Variants in H2BC18 observed in about 807,000 individuals in gnomAD.
H2BC18 encodes H2B clustered histone 18.
In H2BC18, 8 loss-of-function variants were observed where a neutral mutation model predicts 6.3. That is an observed-to-expected ratio of 1.28 (90% CI 0.75 to 2.31). The LOEUF (loss-of-function observed/expected upper bound fraction) is 2.31, where lower values mean the gene tolerates loss of function less well. H2BC18 is among the 30% of genes most tolerant of loss of function. The pLI is 0.00. For synonymous variants in H2BC18, 104 were observed against 78.1 expected, an observed-to-expected ratio of 1.33 and a Z score of -1.75; for missense variants, 106 against 174.5, an observed-to-expected ratio of 0.61 and a Z score of 2.21.
At chr1:149,811,447 A>C (rs2091971847), downstream of H2BC18, 3 of 161,780 alleles carry the variant, frequency 1.9e-5, no homozygotes, top group African/African-American at 7.3e-5. Context: ...TATTAGACAA[A>C]GTTTGTGACA....
chr1:149,799,786 G>T (rs187355218), intron 1 of H2BC18, among the ~76,000 whole-genome samples: 57 of 152,104 alleles, frequency 3.7e-4, no homozygotes, highest in South Asian at 2.1e-4. Context: ...GGAATTTCTG[G>T]CTTATCTTGA....
chr1:149,812,173 G>T lies in H2BC18; in HGVS notation c.151C>A (p.Pro51Thr), dbSNP rs1553754590. ...YVYKVLKQVH[P>T]DTGISSKAMG... Reference sequence around the variant, plus strand: ...GCCTTGGACGAGATGCCGGTGTCGGGGTGGACCTGCTTCAGCACCTTGTAC... The same window carrying T: ...GCCTTGGACGAGATGCCGGTGTCGGTGTGGACCTGCTTCAGCACCTTGTAC... Residue 51 changes from proline (P) to threonine (T), a missense_variant, in exon 1 of 1, where the codon CCC (proline) becomes ACC (threonine). Physicochemically the swap from Pro to Thr is conservative, Grantham distance 38. Coordinates refer to ENST00000369167, the MANE Select transcript of H2BC18 (RefSeq NM_001024599.5). The T allele has an allele frequency of 6.2e-7, 1 of 1,614,274 alleles. No homozygotes were observed. Among genetic ancestry groups the T allele is most frequent in the East Asian group, 2.2e-5 (1 of 44,892 alleles).
intron 1 of H2BC18, chr1:149,792,754 G>T (rs1553752195): frequency 7.8e-7 from 1 of 1,283,732 alleles, no homozygotes; most frequent in Middle Eastern, 2.2e-4. Context: ...AACCCAGTGA[G>T]AAATTATTTG....
chr1:149,790,661 C>T (rs6587581), intron 1 of H2BC18, among the ~76,000 whole-genome samples: 1 of 149,996 alleles, frequency 6.7e-6, no homozygotes, highest in African/African-American at 2.4e-5. Context: ...CCATGACCCC[C>T]CCTTCTCTCT....
chr1:149,798,876 G>A (rs1207930181), intron 1 of H2BC18, among the ~76,000 whole-genome samples: 1 of 151,802 alleles, frequency 6.6e-6, no homozygotes, highest in African/African-American at 2.4e-5. Context: ...GCTTCCCAAA[G>A]TGCCAGGATT....
intron 1 of H2BC18, among the ~76,000 whole-genome samples, chr1:149,789,057 T>G (rs1212499885): frequency 1.3e-5 from 2 of 151,772 alleles, no homozygotes; most frequent in Non-Finnish European, 2.9e-5. Context: ...GCCTCTGTGG[T>G]GCCACTTCTT....
intron 1 of H2BC18, among the ~76,000 whole-genome samples, chr1:149,800,842 T>A (rs1479139659): frequency 1.3e-5 from 2 of 151,832 alleles, no homozygotes; most frequent in African/African-American, 2.4e-5. Context: ...ACCCAGAACT[T>A]TGGGAGGCCA....
At chr1:149,802,314 C>T (rs1444443270) in intron 1 of H2BC18, among the ~76,000 whole-genome samples, 1 of 152,054 alleles carries the variant, frequency 6.6e-6, no homozygotes, top group Non-Finnish European at 1.5e-5. Flanking sequence ...CAAGTATGTT[C>T]CTTTGCTGGA....
intron 1 of H2BC18, chr1:149,792,721 C>G (rs587615395): frequency 7.8e-7 from 1 of 1,283,858 alleles, no homozygotes; most frequent in East Asian, 5.6e-5. Flanking sequence ...GCGCGCTTCT[C>G]CGCAGCTCCG....
chr1:149,811,864 T>C, downstream of H2BC18: 1 of 1,311,194 alleles, frequency 7.6e-7, no homozygotes, highest in Non-Finnish European at 1.1e-6. Flanking sequence ...TGTTTACAGC[T>C]GCTTTCTCGA....
downstream of H2BC18, among the ~76,000 whole-genome samples, chr1:149,808,719 G>A (rs1423961209): frequency 2.6e-5 from 4 of 152,038 alleles, no homozygotes; most frequent in Admixed American, 1.3e-4. Flanking sequence ...TTTTTATCAA[G>A]TTTTCTATTT....
chr1:149,805,709 A>G (rs1320784176), intron 1 of H2BC18, among the ~76,000 whole-genome samples: 1 of 152,122 alleles, frequency 6.6e-6, no homozygotes, highest in African/African-American at 2.4e-5. Context: ...TTGAGTGCCT[A>G]ATGTATTCCA....
intron 1 of H2BC18, among the ~76,000 whole-genome samples, chr1:149,799,528 A>T (rs2091839496): frequency 1.3e-5 from 2 of 152,058 alleles, no homozygotes; most frequent in Admixed American, 6.6e-5. Context: ...TGCATACTAC[A>T]CAATAGTAGG....
intron 1 of H2BC18, among the ~76,000 whole-genome samples, chr1:149,793,518 T>G (rs1170117198): frequency 6.6e-6 from 1 of 152,128 alleles, no homozygotes; most frequent in African/African-American, 2.4e-5. Context: ...AGGGATCTGA[T>G]GCAGCTGGCG....
At chr1:149,799,574 A>G (rs2091840143) in intron 1 of H2BC18, among the ~76,000 whole-genome samples, 1 of 152,124 alleles carries the variant, frequency 6.6e-6, no homozygotes, top group African/African-American at 2.4e-5. Flanking sequence ...TACTATTCAA[A>G]TGACAGCCCC....
intron 1 of H2BC18, among the ~76,000 whole-genome samples, chr1:149,797,075 G>C (rs1571408478): frequency 6.6e-6 from 1 of 152,110 alleles, no homozygotes; most frequent in Non-Finnish European, 1.5e-5. Context: ...ACCACACCCG[G>C]CTAATTTTTG....
chr1:149,807,364 C>A (rs1203855007), downstream of H2BC18, among the ~76,000 whole-genome samples: 4 of 151,884 alleles, frequency 2.6e-5, no homozygotes, highest in African/African-American at 9.7e-5. Flanking sequence ...ATGTGGCATG[C>A]ACCTGTAGTC....
intron 1 of H2BC18, chr1:149,788,323 C>T: frequency 2.5e-6 from 4 of 1,611,882 alleles, no homozygotes; most frequent in Non-Finnish European, 3.4e-6. Flanking sequence ...CCTCCTTGTA[C>T]CTCCTCCACT....
chr1:149,799,415 A>G (rs1329046700), intron 1 of H2BC18, among the ~76,000 whole-genome samples: 1 of 152,222 alleles, frequency 6.6e-6, no homozygotes. Flanking sequence ...CTCATCATGT[A>G]TGCTCAGAAT....
Sources: allele counts gnomAD v4.1 joint callset (sites outside exome capture counted in the v4.1 genomes callset), GRCh38; gene constraint gnomAD v4.1.1; transcripts MANE v1.5; gene names NCBI Gene and HGNC (gene_info 2026-07-23, HGNC 2026-07-21).